FOSL2: variants seen among roughly 807,000 people sequenced by gnomAD.
FOSL2 encodes FOS like 2, AP-1 transcription factor subunit.
Under a neutral mutation model 27.7 loss-of-function variants are expected in FOSL2, and 3 were observed. That is an observed-to-expected ratio of 0.11 (90% CI 0.05 to 0.28). The LOEUF (loss-of-function observed/expected upper bound fraction) is 0.28, where lower values mean the gene tolerates loss of function less well. Among genes scored for constraint, FOSL2 ranks in the 10% least tolerant of loss-of-function variants. FOSL2 has a pLI of 1.00. For synonymous variants in FOSL2, 179 were observed against 190.1 expected (o/e 0.94, Z 0.48); for missense variants, 333 against 445.1 (o/e 0.75, Z 2.27).
In FOSL2 at chr2:28,413,023, C is replaced by A. The variant is rs545373943; in HGVS notation, c.*575C>A. ...TGGGGCTGACTTGTCCAGAAGGGGA[C>A]AAAGTGCAATACAGAGCCTTCCCTA... On this transcript the variant is annotated 3_prime_UTR_variant, in exon 4 of 4. Transcript: ENST00000264716. 1 of 160,666 alleles carries A rather than the reference C, an allele frequency of 6.2e-6. No individual in the cohort carries two copies. The highest frequency in any genetic ancestry group is 1.3e-5 in the Non-Finnish European group (1 of 74,100). The allele number at this position is 160,666 out of a possible 1,614,324, so 10.0% of individuals were successfully genotyped here.
chr2:28,395,595 CAGCAGAGTGT>C (rs1663799475), intron 1 of FOSL2: 1 of 152,332 alleles, frequency 6.6e-6, no homozygotes, highest in African/African-American at 2.4e-5. Context: ...GAACTCAGTC[CAGCAGAGTGT>C]AATAGGGCCT....
In FOSL2 at chr2:28,414,454, C is replaced by G. The variant is rs1178617949; in HGVS notation, c.*2006C>G. The G allele has an allele frequency of 6.6e-6, 1 of 152,136 alleles. No individual in the cohort carries two copies. The highest frequency in any genetic ancestry group is 1.5e-5 in the Non-Finnish European group (1 of 68,016). 9.4% of individuals were successfully genotyped at this position (152,136 alleles called of 1,614,324 possible). ...GATTTCCCAGGGGCTCTGGGAGGGA[C>G]CCTTCTAAGAAGATTGGGCAGTTGG... On this transcript the variant is annotated 3_prime_UTR_variant, in exon 4 of 4. Coordinates refer to ENST00000264716, the MANE Select transcript of FOSL2 (RefSeq NM_005253.4).
intron 1 of FOSL2, among the ~76,000 whole-genome samples, chr2:28,399,536 C>T (rs756043566): frequency 8.5e-5 from 13 of 152,076 alleles, no homozygotes; most frequent in Non-Finnish European, 1.5e-4. Flanking sequence ...CCAAGCAGCC[C>T]GGTGGCACCC....
In FOSL2 at chr2:28,404,835, C is replaced by T. The variant is rs138273525; in HGVS notation, c.354+477C>T. Among the ~76,000 whole-genome samples the T allele has an allele frequency of 8.1e-4, 123 of 152,306 alleles. 1 individual carries two copies. The highest frequency in any genetic ancestry group is 2.8e-3 in the African/African-American group (117 of 41,570). Reference sequence around the variant, plus strand: ...TCAAGCTCTGGGTCGGTACTGCCCACGACTTCCCATTCCTCCTCAGTGTTC... The same window carrying T: ...TCAAGCTCTGGGTCGGTACTGCCCATGACTTCCCATTCCTCCTCAGTGTTC... On this transcript the variant is annotated intron_variant, in intron 2 of 3. Transcript: ENST00000264716. This position sits in a 1 kb window ranked among gnomAD's most constrained non-coding sequence, Gnocchi z 4.7.
chr2:28,394,198 CTT>C (rs1200864182), intron 1 of FOSL2, among the ~76,000 whole-genome samples: 3 of 123,404 alleles, frequency 2.4e-5, no homozygotes, highest in Admixed American at 1.2e-4. Context: ...ACAAGAAAAT[CTT>C]TGCACCCACT....
intron 3 of FOSL2, among the ~76,000 whole-genome samples, chr2:28,411,538 G>A (rs1472318034): frequency 6.6e-6 from 1 of 152,150 alleles, no homozygotes; most frequent in Non-Finnish European, 1.5e-5. Flanking sequence ...CTGCTAGCTC[G>A]GTGACTTTGG....
rs776723974 is a variant in FOSL2, at chr2:28,412,482, G to T, written c.*34G>T. The T allele has an allele frequency of 2.5e-6, 4 of 1,580,562 alleles. No individual in the cohort carries two copies. Among genetic ancestry groups the T allele is most frequent in the Non-Finnish European group, 3.4e-6 (4 of 1,167,776 alleles). ...ACCTCCCTCCCCAGCTCCGGAGGGG[G>T]TCCTCCTCGCTCCTCCTTCCCAGGG... On this transcript the variant is annotated 3_prime_UTR_variant, in exon 4 of 4. Transcript: ENST00000264716. This position sits in a 1 kb window ranked among gnomAD's most constrained non-coding sequence, Gnocchi z 7.1.
At position 28,409,342 on chromosome 2, in the gene FOSL2, A is replaced by G. The variant is rs555956434; in HGVS notation, c.462+476A>G. ...GGGCCAGGGAGAAGTCTTGATGGAG[A>G]TAGGTCACGTGGCAGCAGGGTTGTA... is the stretch of plus-strand genomic sequence containing the variant. On this transcript the variant is annotated intron_variant, in intron 3 of 3. Coordinates refer to ENST00000264716, the MANE Select transcript of FOSL2 (RefSeq NM_005253.4). 2.0e-5 allele frequency among the ~76,000 whole-genome samples: 3 copies of G among 152,244 alleles called. No homozygotes were observed. In the South Asian group the frequency reaches 6.2e-4, roughly 32 times the overall value.
intron 2 of FOSL2, among the ~76,000 whole-genome samples, chr2:28,405,076 G>C (rs1664049385): frequency 6.6e-6 from 1 of 152,124 alleles, no homozygotes; most frequent in South Asian, 2.1e-4. Context: ...GGAAGGGGGG[G>C]CTCTGCTATT....
chr2:28,406,657 GA>G (rs1664090265), intron 2 of FOSL2, among the ~76,000 whole-genome samples: 1 of 152,216 alleles, frequency 6.6e-6, no homozygotes, highest in Non-Finnish European at 1.5e-5. Flanking sequence ...GGGAGGGAGA[GA>G]ACAAGGAGCA....
intron 1 of FOSL2, 114 bp from the exon 2 acceptor site, chr2:28,403,993 G>A (rs11900743): frequency 0.042 from 54,813 of 1,307,998 alleles, 3,270 homozygotes; most frequent in African/African-American, 0.27. Flanking sequence ...CTTGCCCTTC[G>A]AACACTGACT....
chr2:28,393,152 A>G lies in FOSL2; in HGVS notation c.-569A>G. 3.3e-6 allele frequency: 1 copy of G among 299,838 alleles called. No homozygotes were observed. The allele number at this position is 299,838 out of a possible 1,614,324, so 18.6% of individuals were successfully genotyped here. On this transcript the variant is annotated 5_prime_UTR_variant, in exon 1 of 4. Coordinates refer to ENST00000264716, the MANE Select transcript of FOSL2 (RefSeq NM_005253.4). The surrounding 1 kb of genome is among the most constrained non-coding windows in gnomAD (Gnocchi z 4.6). ...GGACGGGCGCACGCCGCCTTCTCCT[A>G]GTCAAGTATCCGAGCCGCCCCGAAA...
chr2:28,410,101 C>T (rs185529039), intron 3 of FOSL2, among the ~76,000 whole-genome samples: 37 of 152,330 alleles, frequency 2.4e-4, no homozygotes, highest in African/African-American at 8.7e-4. Context: ...TTGTCTTTCT[C>T]TGTCCTGCAG....
At chr2:28,397,012 A>G (rs1663859257) in intron 1 of FOSL2, 1 of 152,174 alleles carries the variant, frequency 6.6e-6, no homozygotes. Context: ...TTCCAGTCCC[A>G]GAGAGTGTTA....
chr2:28,414,061 T>C lies in FOSL2; in HGVS notation c.*1613T>C, dbSNP rs1572498700. ...TTGTCCAGCAGGGCCTTGACAGGAA[T>C]CCAGGGAGTAGCTCCTGGCCAGAAC... On this transcript the variant is annotated 3_prime_UTR_variant, in exon 4 of 4. Transcript: ENST00000264716. 1 of 382,108 alleles carries C rather than the reference T, an allele frequency of 2.6e-6. No individual in the cohort carries two copies. Among genetic ancestry groups the C allele is most frequent in the Non-Finnish European group, 4.6e-6 (1 of 215,964 alleles). The allele number at this position is 382,108 out of a possible 1,614,324, so 23.7% of individuals were successfully genotyped here.
rs1664043852 is a variant in FOSL2 at position 28,404,794 on chromosome 2, C to T, written c.354+436C>T. 6.6e-6 allele frequency among the ~76,000 whole-genome samples: 1 copy of T among 152,196 alleles called. No individual in the cohort carries two copies. Among genetic ancestry groups the T allele is most frequent in the African/African-American group, 2.4e-5 (1 of 41,460 alleles). Reference sequence around the variant, plus strand: ...CAGGGTCTAGTGCAGGCCAGGCACCCAGCAGACCTACGGGGTCAAGCTCTG... The same window carrying T: ...CAGGGTCTAGTGCAGGCCAGGCACCTAGCAGACCTACGGGGTCAAGCTCTG... On this transcript the variant is annotated intron_variant, in intron 2 of 3. Transcript: ENST00000264716. This position sits in a 1 kb window ranked among gnomAD's most constrained non-coding sequence, Gnocchi z 4.7.
In FOSL2 at chr2:28,412,008, G is replaced by A. The variant is rs772582818; in HGVS notation, c.541G>A (p.Glu181Lys). The A allele has an allele frequency of 6.2e-6, 10 of 1,613,610 alleles. No homozygotes were observed. Among genetic ancestry groups the A allele is most frequent in the Non-Finnish European group, 7.6e-6 (9 of 1,180,026 alleles). The part of the protein sequence containing the change: ...AELQKEKEKL[E>K]FMLVAHGPVC... ...GCTGCAGAAGGAGAAGGAGAAGCTG[G>A]AGTTCATGTTGGTGGCTCACGGCCC... is the stretch of plus-strand genomic sequence containing the variant. The change falls in exon 4 of 4, where the codon GAG (glutamate) becomes AAG (lysine). Residue 181 changes from glutamate (E) to lysine (K), a missense_variant. By Grantham distance (56) the Glu-to-Lys change is moderately conservative. Transcript: ENST00000264716. This position sits in a 1 kb window ranked among gnomAD's most constrained non-coding sequence, Gnocchi z 7.1.
chr2:28,397,827 C>T (rs966434149), intron 1 of FOSL2, among the ~76,000 whole-genome samples: 4 of 152,196 alleles, frequency 2.6e-5, no homozygotes, highest in Non-Finnish European at 4.4e-5. Flanking sequence ...TTGCTTTCAG[C>T]GTATTCTTTT....
Position 28,393,503 on chromosome 2 carries a change from G to A in FOSL2, c.-218G>A, listed in dbSNP as rs1294023362. On this transcript the variant is annotated 5_prime_UTR_variant, in exon 1 of 4. Transcript: ENST00000264716. This position sits in a 1 kb window ranked among gnomAD's most constrained non-coding sequence, Gnocchi z 4.6. ...CTGGTCCCGCGGCGCTCGCAGAGCC[G>A]GAAAGAAGTGCTGTAAGGGACGCTC... is the stretch of plus-strand genomic sequence containing the variant. 1.2e-5 allele frequency: 6 copies of A among 516,034 alleles called. No homozygotes were observed. The Admixed American group carries it at 1.2e-4, about 11-fold the overall frequency. The allele number at this position is 516,034 out of a possible 1,614,324, so 32.0% of individuals were successfully genotyped here.
Sources: allele counts gnomAD v4.1 joint callset (sites outside exome capture counted in the v4.1 genomes callset), GRCh38; gene constraint gnomAD v4.1.1; non-coding constraint Gnocchi (gnomAD v3.1); transcripts MANE v1.5; gene names NCBI Gene and HGNC (gene_info 2026-07-23, HGNC 2026-07-21).